The following IL1RAPL1 variants were observed in gnomAD, a reference collection of about 807,000 sequenced individuals.
The protein encoded by IL1RAPL1 is interleukin 1 receptor accessory protein like 1, also known as interleukin-1 receptor accessory protein-like 1.
A neutral mutation model predicts 48.4 loss-of-function variants in IL1RAPL1; 3 were observed. The observed-to-expected ratio is 0.06, with a 90% confidence interval of 0.03 to 0.16. The LOEUF (loss-of-function observed/expected upper bound fraction) is 0.16, where lower values mean the gene tolerates loss of function less well. Ranked by LOEUF, IL1RAPL1 falls within the 10% of genes least tolerant of loss-of-function variation. IL1RAPL1 has a pLI of 1.00. For synonymous variants in IL1RAPL1, 185 were observed against 187.7 expected (o/e 0.99, Z 0.12); for missense variants, 349 against 530.6 (o/e 0.66, Z 3.36).
intron 8 of IL1RAPL1, among the ~76,000 whole-genome samples, chrX:29,928,465 A>G (rs1932911488): frequency 3.6e-5 from 4 of 112,083 alleles, no homozygotes; most frequent in Admixed American, 2.8e-4. Context: ...TTGATTGACA[A>G]TACTTCATAA....
At chrX:29,893,045 T>A (rs1932301640) in intron 6 of IL1RAPL1, among the ~76,000 whole-genome samples, 1 of 111,734 alleles carries the variant, frequency 8.9e-6, no homozygotes, top group African/African-American at 3.2e-5. Flanking sequence ...ACCTAGTAGA[T>A]CTTATCTTAA....
intron 1 of IL1RAPL1, among the ~76,000 whole-genome samples, chrX:28,603,790 G>A (rs777631908): frequency 8.9e-6 from 1 of 112,581 alleles, no homozygotes; most frequent in Non-Finnish European, 1.9e-5. Context: ...GCCTAGCTTG[G>A]TAGATATATG....
chrX:29,432,202 G>A (rs1225506344), intron 5 of IL1RAPL1, among the ~76,000 whole-genome samples: 1 of 111,203 alleles, frequency 9.0e-6, no homozygotes, highest in East Asian at 2.8e-4. Context: ...ATTGGCCTCC[G>A]ACCTCCCTTT....
At chrX:28,865,423 A>G (rs747620628) in intron 2 of IL1RAPL1, among the ~76,000 whole-genome samples, 23 of 94,736 alleles carry the variant, frequency 2.4e-4, no homozygotes, top group Non-Finnish European at 4.4e-4. Context: ...TGGGTGACAG[A>G]AGGAGACCCT....
At chrX:29,738,104 G>A (rs1379730467) in intron 6 of IL1RAPL1, among the ~76,000 whole-genome samples, 4 of 112,057 alleles carry the variant, frequency 3.6e-5, no homozygotes, top group Admixed American at 9.5e-5. Flanking sequence ...TGCCCTCATC[G>A]TTTGTTTAAA....
Position 29,416,642 on chromosome X carries a change from C to T in IL1RAPL1, c.703+17334C>T, listed in dbSNP as rs199964063. ...ATAATGGAAGAGCAGCAAAGGGTGA[C>T]TACATTAAAAATCCAGCAGGTAATG... On this transcript the variant is annotated intron_variant, in intron 5 of 10. Coordinates refer to ENST00000378993, the MANE Select transcript of IL1RAPL1 (RefSeq NM_014271.4). 2.0e-4 allele frequency among the ~76,000 whole-genome samples: 22 copies of T among 111,826 alleles called. No individual in the cohort carries two copies. In the East Asian group the frequency reaches 6.2e-3, roughly 31 times the overall value.
intron 5 of IL1RAPL1, among the ~76,000 whole-genome samples, chrX:29,664,999 C>T (rs1925958737): frequency 8.9e-6 from 1 of 112,011 alleles, no homozygotes; most frequent in Non-Finnish European, 1.9e-5. Context: ...AGAGCTTTAC[C>T]GTTGTTAATA....
In IL1RAPL1 at chrX:29,150,290, A is replaced by G. The variant is rs748048098; in HGVS notation, c.83-132648A>G. ...TAAATGTGGCTCTATGTAACTTACC[A>G]GGAGCTTTCTTATCCGTTGTTCCTC... On this transcript the variant is annotated intron_variant, in intron 2 of 10. Coordinates refer to ENST00000378993, the MANE Select transcript of IL1RAPL1 (RefSeq NM_014271.4). Among the ~76,000 whole-genome samples the G allele has an allele frequency of 8.9e-5, 10 of 112,180 alleles. No individual in the cohort carries two copies. In the South Asian group the frequency reaches 1.1e-3, roughly 12 times the overall value.
intron 6 of IL1RAPL1, among the ~76,000 whole-genome samples, chrX:29,819,255 G>T (rs147900202): frequency 0.013 from 1,462 of 111,221 alleles, 18 homozygotes; most frequent in African/African-American, 0.045. Context: ...GAAGTAGAGA[G>T]TACTTTCTTC....
intron 3 of IL1RAPL1, among the ~76,000 whole-genome samples, chrX:29,393,426 T>C (rs930695489): frequency 1.3e-4 from 14 of 111,781 alleles, no homozygotes; most frequent in Non-Finnish European, 2.1e-4. Context: ...CTGCCAACTT[T>C]CCCTAGTTCT....
chrX:28,941,068 C>T (rs1924152441), intron 2 of IL1RAPL1, among the ~76,000 whole-genome samples: 2 of 110,567 alleles, frequency 1.8e-5, no homozygotes, highest in South Asian at 3.7e-4. Flanking sequence ...CAATATTTAA[C>T]GTATCAACAT....
chrX:29,653,365 T>C (rs1359118661), intron 5 of IL1RAPL1, among the ~76,000 whole-genome samples: 1 of 111,855 alleles, frequency 8.9e-6, no homozygotes, highest in African/African-American at 3.2e-5. Flanking sequence ...TTTGTTTTTG[T>C]TTTCCTTTCT....
At chrX:29,562,095 A>G (rs938820462) in intron 5 of IL1RAPL1, among the ~76,000 whole-genome samples, 2 of 68,015 alleles carry the variant, frequency 2.9e-5, no homozygotes, top group Admixed American at 1.4e-4. Flanking sequence ...CTATCTGTCT[A>G]TCTATCTATC....
At chrX:29,122,466 ACCC>A (rs1928815296) in intron 2 of IL1RAPL1, among the ~76,000 whole-genome samples, 1 of 26,714 alleles carries the variant, frequency 3.7e-5, no homozygotes, top group Non-Finnish European at 6.4e-5. Flanking sequence ...CCCCACCCCC[ACCC>A]CACCCACACA....
chrX:29,898,225 C>T (rs905971858), intron 6 of IL1RAPL1, among the ~76,000 whole-genome samples: 1 of 111,952 alleles, frequency 8.9e-6, no homozygotes, highest in Non-Finnish European at 1.9e-5. Context: ...TGCTGTTCTG[C>T]TCACAAGAAT....
intron 8 of IL1RAPL1, among the ~76,000 whole-genome samples, chrX:29,934,979 A>G (rs1268399535): frequency 1.8e-5 from 2 of 111,582 alleles, no homozygotes; most frequent in African/African-American, 3.2e-5. Context: ...TTAATCTGGT[A>G]TGGTTCCTCA....
chrX:28,943,033 A>G (rs1048496386), intron 2 of IL1RAPL1, among the ~76,000 whole-genome samples: 3 of 110,739 alleles, frequency 2.7e-5, no homozygotes, highest in Admixed American at 1.9e-4. Flanking sequence ...GATGGTTTCA[A>G]TATGCCTAAG....
chrX:29,227,228 A>G (rs746017577), intron 2 of IL1RAPL1, among the ~76,000 whole-genome samples: 5 of 110,543 alleles, frequency 4.5e-5, no homozygotes, highest in Non-Finnish European at 9.5e-5. Flanking sequence ...AACACAATCC[A>G]AAGGTCAAAA....
chrX:29,708,400 C>T (rs945001402), intron 6 of IL1RAPL1, among the ~76,000 whole-genome samples: 1 of 111,788 alleles, frequency 8.9e-6, no homozygotes, highest in African/African-American at 3.2e-5. Flanking sequence ...CCCCCCTCTG[C>T]AGCCTCTGGC....
Sources: gnomAD v4.1 joint callset for allele counts (sites outside exome capture counted in the v4.1 genomes callset) on GRCh38, gnomAD v4.1.1 for gene constraint, MANE v1.5 for transcripts, NCBI Gene and HGNC (gene_info 2026-07-23, HGNC 2026-07-21) for gene names.